Variants in FAM53A observed in about 807,000 individuals in gnomAD.
FAM53A encodes protein FAM53A.
FAM53A carries 28 observed loss-of-function variants against 26.6 expected under a neutral mutation model. The observed-to-expected ratio is 1.05, with a 90% CI of 0.78 to 1.45. The LOEUF is 1.45. Ranked by LOEUF, FAM53A falls within the 40% of genes most tolerant of loss-of-function variation. FAM53A has a pLI of 0.00. For synonymous variants in FAM53A, 290 were observed against 253.1 expected (o/e 1.15, Z -1.38); for missense variants, 650 against 575.8 (o/e 1.13, Z -1.32).
the FAM53A span, among the ~76,000 whole-genome samples, chr4:1,605,647 C>T: frequency 6.6e-6 from 1 of 152,218 alleles, no homozygotes; most frequent in Admixed American, 6.5e-5. This position sits in a 1 kb window ranked among gnomAD's most constrained non-coding sequence, Gnocchi z 5.7. Flanking sequence ...CCTCCGTGCA[C>T]CCCAGAGACC....
the FAM53A span, among the ~76,000 whole-genome samples, chr4:1,609,850 C>T: frequency 1.1e-4 from 17 of 152,060 alleles, no homozygotes; most frequent in Non-Finnish European, 2.5e-4. Flanking sequence ...GTAATCCCAG[C>T]TACTCGGGAG....
At position 1,655,452 on chromosome 4, in the gene FAM53A, G is replaced by C; in HGVS notation, c.408C>G (p.Pro136=). Residue 136 remains proline (P), a synonymous_variant, in exon 4 of 5, where the codon CCC becomes CCG. Coordinates refer to ENST00000308132, the MANE Select transcript of FAM53A (RefSeq NM_001174070.3). ...AGACCTTGGAGCTGCCGGGGCGCCA[G>C]GGGGACCGGCAGCGCACAAGCTCCT... The part of the protein sequence containing the change: ...EPEELVRCRS[P]WRPGSSKVWT... The C allele has an allele frequency of 2.6e-6, 4 of 1,542,402 alleles. No individual in the cohort carries two copies. The highest frequency in any genetic ancestry group is 3.5e-6 in the Non-Finnish European group (4 of 1,143,386).
chr4:1,669,108 C>T (rs1714451766), intron 1 of FAM53A, among the ~76,000 whole-genome samples: 1 of 152,142 alleles, frequency 6.6e-6, no homozygotes, highest in African/African-American at 2.4e-5. Context: ...CAAAGACACA[C>T]ATTAGACCCA....
At chr4:1,607,584 C>G in the FAM53A span, among the ~76,000 whole-genome samples, 8 of 151,554 alleles carry the variant, frequency 5.3e-5, no homozygotes, top group South Asian at 1.3e-3. Context: ...GGCCGCCCCC[C>G]CACCACTGAT....
chr4:1,597,105 C>T, the FAM53A span, among the ~76,000 whole-genome samples: 1 of 152,194 alleles, frequency 6.6e-6, no homozygotes, highest in East Asian at 1.9e-4. Context: ...TTTTCCCTCA[C>T]TGGGACTCCA....
chr4:1,596,450 C>A, the FAM53A span, among the ~76,000 whole-genome samples: 1 of 118,288 alleles, frequency 8.5e-6, no homozygotes, highest in African/African-American at 3.4e-5. Context: ...TGGCCAGTGT[C>A]ACCGCCCAAC....
chr4:1,668,164 C>T (rs1242205981), intron 2 of FAM53A, among the ~76,000 whole-genome samples: 4 of 148,432 alleles, frequency 2.7e-5, no homozygotes, highest in East Asian at 4.0e-4. Context: ...TTTTTTGAGA[C>T]GGAGTCTCGC....
intron 2 of FAM53A, among the ~76,000 whole-genome samples, chr4:1,665,957 C>T (rs1714190417): frequency 6.8e-6 from 1 of 148,048 alleles, no homozygotes; most frequent in Non-Finnish European, 1.5e-5. Flanking sequence ...CCTGCACCTG[C>T]ACCCCCATAT....
intron 4 of FAM53A, among the ~76,000 whole-genome samples, chr4:1,647,927 A>G (rs1170850437): frequency 6.6e-6 from 1 of 152,226 alleles, no homozygotes; most frequent in Non-Finnish European, 1.5e-5. Context: ...GAAGTGGCAA[A>G]GCCTGGGCCT....
chr4:1,633,594 G>A (rs573747874), intron 1 of FAM53A, among the ~76,000 whole-genome samples: 34 of 152,248 alleles, frequency 2.2e-4, no homozygotes, highest in African/African-American at 7.0e-4. Flanking sequence ...CAGAATTAAT[G>A]AATTGGAAAC....
At chr4:1,645,458 T>C (rs1712156074) in intron 4 of FAM53A, among the ~76,000 whole-genome samples, 1 of 152,184 alleles carries the variant, frequency 6.6e-6, no homozygotes. Flanking sequence ...ACTGGCTGAG[T>C]GAGCCCTGCT....
chr4:1,616,685 G>A (rs752942092), downstream of FAM53A, among the ~76,000 whole-genome samples: 3 of 152,264 alleles, frequency 2.0e-5, no homozygotes, highest in Non-Finnish European at 4.4e-5. Context: ...TGATAAGAAG[G>A]ATGCAGAAGT....
At chr4:1,649,875 G>A (rs899518645) in intron 4 of FAM53A, among the ~76,000 whole-genome samples, 9 of 151,810 alleles carry the variant, frequency 5.9e-5, no homozygotes, top group Admixed American at 1.3e-4. Context: ...CACAGGCGTG[G>A]TGTTTGTGAG....
chr4:1,612,937 A>C (rs1403351621), downstream of FAM53A, among the ~76,000 whole-genome samples: 1 of 152,202 alleles, frequency 6.6e-6, no homozygotes, highest in Non-Finnish European at 1.5e-5. Context: ...CCTGCTACAC[A>C]TATGTACATC....
chr4:1,577,208 C>T, the FAM53A span, among the ~76,000 whole-genome samples: 1 of 152,210 alleles, frequency 6.6e-6, no homozygotes, highest in Admixed American at 6.5e-5. Context: ...TGGGACACTG[C>T]AGGAGGGGAG....
chr4:1,638,271 C>T (rs10016076), downstream of FAM53A, among the ~76,000 whole-genome samples: 2,048 of 152,124 alleles, frequency 0.013, 44 homozygotes, highest in African/African-American at 0.046. Flanking sequence ...CCCCAGGGGC[C>T]GGGCTGTGAG....
At chr4:1,599,689 G>A in the FAM53A span, among the ~76,000 whole-genome samples, 3 of 151,664 alleles carry the variant, frequency 2.0e-5, no homozygotes, top group Non-Finnish European at 4.4e-5. The surrounding 1 kb of genome is among the most constrained non-coding windows in gnomAD (Gnocchi z 6.1). Context: ...GGGAGGCTGC[G>A]CCCCCTCACA....
the FAM53A span, among the ~76,000 whole-genome samples, chr4:1,578,192 T>A: frequency 6.6e-6 from 1 of 152,044 alleles, no homozygotes; most frequent in East Asian, 1.9e-4. Flanking sequence ...CCAGGCTAGG[T>A]TTTGTTTTGT....
intron 1 of FAM53A, among the ~76,000 whole-genome samples, chr4:1,672,725 G>T (rs545017122): frequency 1.3e-5 from 2 of 149,908 alleles, no homozygotes; most frequent in Admixed American, 1.3e-4. Context: ...CTCCTGTGAG[G>T]TGCCCAGGAC....
Sources: gnomAD v4.1 joint callset for allele counts (sites outside exome capture counted in the v4.1 genomes callset) on GRCh38, gnomAD v4.1.1 for gene constraint, Gnocchi (gnomAD v3.1) non-coding constraint, MANE v1.5 for transcripts, NCBI Gene and HGNC (gene_info 2026-07-23, HGNC 2026-07-21) for gene names.